Variants in PRH1 observed in about 807,000 individuals in gnomAD.
The protein encoded by PRH1 is proline rich protein HaeIII subfamily 1.
PRH1 carries 7 observed loss-of-function variants against 7.9 expected under a neutral mutation model. That is an observed-to-expected ratio of 0.89 (90% confidence interval 0.50 to 1.67). The LOEUF is 1.67. Among genes scored for constraint, PRH1 ranks in the 40% most tolerant of loss-of-function variants. The probability of loss-of-function intolerance (pLI) is 0.00; values close to 1 mark genes in which losing one functional copy is unlikely to be tolerated. For synonymous variants in PRH1, 45 were observed against 80.8 expected, an observed-to-expected ratio of 0.56 and a Z score of 2.38; for missense variants, 109 against 223.6, an observed-to-expected ratio of 0.49 and a Z score of 3.27.
chr12:11,113,613 T>C (rs1276557014), intron 1 of PRH1, among the ~76,000 whole-genome samples: 1 of 152,114 alleles, frequency 6.6e-6, no homozygotes, highest in African/African-American at 2.4e-5. Flanking sequence ...ATAAAAACCC[T>C]AGAAGAAAAC....
At chr12:10,973,446 A>T (rs1938929866) in intron 2 of PRH1, 1 of 421,466 alleles carries the variant, frequency 2.4e-6, no homozygotes, top group Non-Finnish European at 4.2e-6. Flanking sequence ...TATAGATATG[A>T]ACTTAGACTA....
At chr12:10,962,451 T>C (rs1363373772) in intron 2 of PRH1, among the ~76,000 whole-genome samples, 2 of 152,200 alleles carry the variant, frequency 1.3e-5, no homozygotes. Flanking sequence ...TCTCCATGTT[T>C]TTAGTCTGAT....
rs1303704243 is a variant in PRH1 at position 11,096,703 on chromosome 12, G to C, written n.124-49515C>G. The stretch of plus-strand genomic sequence containing the variant: ...CAGGGAAATTCAATGAGCAGCACTG[G>C]ATCTCAAAATGTCATTAATTACATA... On this transcript the variant is annotated intron_variant and non_coding_transcript_variant, in intron 1 of 4. Coordinates refer to the PRH1 transcript ENST00000541977. Among the ~76,000 whole-genome samples, 3 of 115,492 alleles carry C rather than the reference G, an allele frequency of 2.6e-5. 1 individual carries two copies. The highest frequency in any genetic ancestry group is 6.1e-5 in the Non-Finnish European group (3 of 48,818). The allele number at this position is 115,492 out of a possible 152,430, so 75.8% of individuals were successfully genotyped here.
At chr12:10,914,475 G>A (rs1949945826) in intron 2 of PRH1, among the ~76,000 whole-genome samples, 1 of 152,204 alleles carries the variant, frequency 6.6e-6, no homozygotes, top group African/African-American at 2.4e-5. Flanking sequence ...TCAGGAACAA[G>A]GGTGACACCT....
intron 2 of PRH1, among the ~76,000 whole-genome samples, chr12:10,916,892 GATAAAATAAA>G (rs530963275): frequency 2.0e-5 from 3 of 146,358 alleles, no homozygotes; most frequent in Non-Finnish European, 4.6e-5. Flanking sequence ...TATAAAATAA[GATAAAATAAA>G]ATAAAATAAA....
intron 1 of PRH1, among the ~76,000 whole-genome samples, chr12:11,054,000 T>C (rs1222519387): frequency 1.3e-5 from 2 of 152,168 alleles, no homozygotes; most frequent in Non-Finnish European, 2.9e-5. Flanking sequence ...TTTATATTTT[T>C]AGTAGACAGT....
At chr12:10,933,951 G>C (rs1175968735) in intron 2 of PRH1, among the ~76,000 whole-genome samples, 1 of 152,010 alleles carries the variant, frequency 6.6e-6, no homozygotes, top group African/African-American at 2.4e-5. Flanking sequence ...AATAACAAGA[G>C]ATTCTACTCA....
At chr12:10,893,997 A>G (rs1358344994) in intron 2 of PRH1, among the ~76,000 whole-genome samples, 1 of 151,978 alleles carries the variant, frequency 6.6e-6, no homozygotes, top group Non-Finnish European at 1.5e-5. Flanking sequence ...CTGTAAACTG[A>G]TTGGTTATCC....
chr12:11,003,002 G>A (rs1437423359), intron 1 of PRH1, among the ~76,000 whole-genome samples: 5 of 151,846 alleles, frequency 3.3e-5, no homozygotes, highest in South Asian at 4.1e-4. Context: ...AATTTGAAAC[G>A]TGTATCATGA....
intron 1 of PRH1, among the ~76,000 whole-genome samples, chr12:11,142,287 A>G (rs1946723183): frequency 6.6e-6 from 1 of 152,206 alleles, no homozygotes; most frequent in African/African-American, 2.4e-5. Context: ...ACTTATATAT[A>G]TTCAGTGCAA....
chr12:11,153,704 C>T (rs1947170578), intron 1 of PRH1, among the ~76,000 whole-genome samples: 1 of 152,142 alleles, frequency 6.6e-6, no homozygotes, highest in South Asian at 2.1e-4. Flanking sequence ...TATGATAACA[C>T]TCAATTCCCA....
chr12:11,011,960 T>A lies in PRH1; in HGVS notation c.-126+35060A>T, dbSNP rs376836808. 3.0e-4 allele frequency among the ~76,000 whole-genome samples: 45 copies of A among 152,286 alleles called. 1 individual carries two copies. In the South Asian group the frequency reaches 9.1e-3, roughly 31 times the overall value. On this transcript the variant is annotated intron_variant, in intron 1 of 3. Coordinates refer to the PRH1 transcript ENST00000539853. ...TGAAATAGCCCTAATTTCCCAATCA[T>A]GTTTTCAGCCCATTTTCAATATTTA... is the stretch of plus-strand genomic sequence containing the variant.
At chr12:10,998,404 G>T (rs7301364) in intron 1 of PRH1, among the ~76,000 whole-genome samples, 1 of 151,904 alleles carries the variant, frequency 6.6e-6, no homozygotes, top group Non-Finnish European at 1.5e-5. Flanking sequence ...TAAATACACA[G>T]AATCTAAACT....
At chr12:10,943,957 A>G (rs1405922735) in intron 2 of PRH1, among the ~76,000 whole-genome samples, 1 of 152,272 alleles carries the variant, frequency 6.6e-6, no homozygotes, top group Non-Finnish European at 1.5e-5. Context: ...GTACCATGCT[A>G]TATTGGTCAC....
At chr12:11,037,690 A>G (rs1942495870) in intron 1 of PRH1, among the ~76,000 whole-genome samples, 1 of 152,246 alleles carries the variant, frequency 6.6e-6, no homozygotes, top group Non-Finnish European at 1.5e-5. Context: ...TCATATTAGC[A>G]TTAAGAAGGT....
intron 1 of PRH1, among the ~76,000 whole-genome samples, chr12:11,083,517 T>TTTTGAAATATTTAA (rs1265392784): frequency 7.2e-6 from 1 of 138,520 alleles, no homozygotes; most frequent in African/African-American, 3.2e-5. Flanking sequence ...AATATTTTTA[T>TTTTGAAATATTTAA]TATTGTGAAA....
intron 2 of PRH1, among the ~76,000 whole-genome samples, chr12:10,910,541 T>C (rs1949882771): frequency 6.6e-6 from 1 of 152,188 alleles, no homozygotes; most frequent in Admixed American, 6.6e-5. Context: ...TCAAGATACC[T>C]TACTGTACTG....
intron 1 of PRH1, among the ~76,000 whole-genome samples, chr12:11,169,425 A>T (rs1947741846): frequency 6.6e-6 from 1 of 152,126 alleles, no homozygotes; most frequent in South Asian, 2.1e-4. Flanking sequence ...TTCTTTGCCT[A>T]TTCCCGTCCC....
At chr12:11,084,086 T>C (rs111828634) in intron 1 of PRH1, among the ~76,000 whole-genome samples, 13,070 of 75,972 alleles carry the variant, frequency 0.17, 544 homozygotes, top group Non-Finnish European at 0.24. Flanking sequence ...TCAGGATCAG[T>C]TTAGATAGCA....
Sources: gnomAD v4.1 joint callset for allele counts (sites outside exome capture counted in the v4.1 genomes callset) on GRCh38, gnomAD v4.1.1 for gene constraint, MANE v1.5 for transcripts, NCBI Gene and HGNC (gene_info 2026-07-23, HGNC 2026-07-21) for gene names.